The following RCL1 variants were observed in gnomAD, a reference collection of about 807,000 sequenced individuals.
The protein encoded by RCL1 is RNA terminal phosphate cyclase like 1.
In RCL1, 24 loss-of-function variants were observed where a neutral mutation model predicts 42.4. That is an observed-to-expected ratio of 0.57 (90% CI 0.41 to 0.80). The LOEUF is 0.80. Among genes scored for constraint, RCL1 ranks in the 30% least tolerant of loss-of-function variants. The pLI is 0.00. For synonymous variants in RCL1, 228 were observed against 177.3 expected (o/e 1.29, Z -2.27); for missense variants, 578 against 467.9 (o/e 1.24, Z -2.17).
chr9:4,795,872 G>T (rs775128656), intron 1 of RCL1, among the ~76,000 whole-genome samples: 8 of 152,174 alleles, frequency 5.3e-5, no homozygotes, highest in African/African-American at 7.2e-5. Flanking sequence ...GGTTGCCCCT[G>T]TTCTCATGGA....
chr9:4,826,450 A>G lies in RCL1; in HGVS notation c.209-408A>G, dbSNP rs1351219870. 2.1e-5 allele frequency among the ~76,000 whole-genome samples: 3 copies of G among 140,944 alleles called. No individual in the cohort carries two copies. In the East Asian group the frequency reaches 6.0e-4, roughly 28 times the overall value. 92.5% of individuals were successfully genotyped at this position (140,944 alleles called of 152,430 possible). A position where few individuals can be genotyped will look rare whatever the true frequency, so the allele number is the denominator to read the frequency against. On this transcript the variant is annotated intron_variant, in intron 2 of 8. Transcript: ENST00000381750. ...GTGAATGAGGTATATGAGAAATATCATTTCAGGGGCCCTAGAGGATGCTGG... is the reference window on the plus strand; with the variant it reads ...GTGAATGAGGTATATGAGAAATATCGTTTCAGGGGCCCTAGAGGATGCTGG...
At chr9:4,844,725 G>T (rs775309879) in intron 7 of RCL1, 44 bp downstream of exon 7, 11 of 1,574,990 alleles carry the variant, frequency 7.0e-6, no homozygotes, top group Middle Eastern at 4.4e-4. Context: ...CCAGGAAGCA[G>T]TTTGTTTTCT....
chr9:4,819,415 C>T (rs1241324766), intron 1 of RCL1, among the ~76,000 whole-genome samples: 1 of 152,078 alleles, frequency 6.6e-6, no homozygotes, highest in Admixed American at 6.6e-5. Flanking sequence ...TTGTTTTTTT[C>T]CCCAGGCTTT....
At chr9:4,817,476 T>C (rs1448819541) in intron 1 of RCL1, among the ~76,000 whole-genome samples, 2 of 151,352 alleles carry the variant, frequency 1.3e-5, no homozygotes, top group Non-Finnish European at 2.9e-5. Context: ...TTAATCTTTT[T>C]TTTTTTTTCT....
intron 5 of RCL1, among the ~76,000 whole-genome samples, chr9:4,835,066 G>C (rs901189786): frequency 6.6e-6 from 1 of 152,240 alleles, no homozygotes; most frequent in Non-Finnish European, 1.5e-5. Flanking sequence ...CCTGAGCAGA[G>C]GTGGCAGTGC....
In RCL1 at chr9:4,848,299, G is replaced by A. The variant is rs541735424; in HGVS notation, c.868-1148G>A. Among the ~76,000 whole-genome samples the A allele has an allele frequency of 1.6e-4, 25 of 152,294 alleles. No individual in the cohort carries two copies. The East Asian group carries it at 1.7e-3, about 11-fold the overall frequency. On this transcript the variant is annotated intron_variant, in intron 7 of 8. Transcript: ENST00000381750. ...TTATTAACTAAGGTAGTTTAGGGAC[G>A]TGCAATAGATTTTCATAAAGGCTAG... is the stretch of plus-strand genomic sequence containing the variant.
intron 3 of RCL1, among the ~76,000 whole-genome samples, chr9:4,827,535 G>C (rs958930220): frequency 6.6e-5 from 10 of 152,188 alleles, no homozygotes; most frequent in African/African-American, 2.4e-4. Flanking sequence ...AGTCAGGAAA[G>C]GAATGTGTGA....
intron 1 of RCL1, among the ~76,000 whole-genome samples, chr9:4,809,754 C>A (rs537229933): frequency 6.6e-6 from 1 of 151,968 alleles, no homozygotes; most frequent in African/African-American, 2.4e-5. Context: ...TACTTTTTTT[C>A]TTGAGATACC....
At chr9:4,820,711 G>A (rs1448597540) in intron 1 of RCL1, among the ~76,000 whole-genome samples, 4 of 152,054 alleles carry the variant, frequency 2.6e-5, no homozygotes, top group East Asian at 3.9e-4. Context: ...CCTTTTTTCT[G>A]CAGAGCACGT....
chr9:4,800,335 T>G (rs376340), intron 1 of RCL1, among the ~76,000 whole-genome samples: 2 of 152,258 alleles, frequency 1.3e-5, no homozygotes, highest in Admixed American at 1.3e-4. Flanking sequence ...CCACCTCAGC[T>G]TCCCGAGTAG....
chr9:4,793,377 G>A, intron 1 of RCL1, 150 bp downstream of exon 1: 4 of 865,972 alleles, frequency 4.6e-6, no homozygotes, highest in Non-Finnish European at 6.6e-6. Flanking sequence ...TCCAAAGCCG[G>A]AGGGGCAGGC....
chr9:4,802,037 C>A (rs1294189007), intron 1 of RCL1, among the ~76,000 whole-genome samples: 1 of 150,372 alleles, frequency 6.7e-6, no homozygotes, highest in Non-Finnish European at 1.5e-5. Flanking sequence ...GTCTCCCGAG[C>A]ATCTGGGATT....
chr9:4,831,922 C>G (rs1009963211), intron 3 of RCL1, among the ~76,000 whole-genome samples: 8 of 152,218 alleles, frequency 5.3e-5, no homozygotes, highest in Non-Finnish European at 1.0e-4. Flanking sequence ...TTGTGATTTT[C>G]TTGTCTGAGG....
chr9:4,806,141 C>G (rs1303469206), intron 1 of RCL1, among the ~76,000 whole-genome samples: 1 of 149,636 alleles, frequency 6.7e-6, no homozygotes, highest in African/African-American at 2.5e-5. Context: ...TTGTCATTTC[C>G]TTGGAATTTA....
chr9:4,813,406 A>T (rs190253772), intron 1 of RCL1, among the ~76,000 whole-genome samples: 21 of 152,362 alleles, frequency 1.4e-4, no homozygotes, highest in African/African-American at 4.8e-4. Flanking sequence ...TCAAAAGAAG[A>T]TATTTATGCA....
intron 1 of RCL1, among the ~76,000 whole-genome samples, chr9:4,809,694 C>T (rs918601974): frequency 1.3e-5 from 2 of 152,242 alleles, no homozygotes; most frequent in African/African-American, 4.8e-5. Flanking sequence ...TAACTGGCAA[C>T]ATAGCCTTTC....
At chr9:4,821,186 C>T (rs528524959) in intron 1 of RCL1, among the ~76,000 whole-genome samples, 9 of 152,132 alleles carry the variant, frequency 5.9e-5, no homozygotes, top group Middle Eastern at 3.4e-3. Flanking sequence ...CGTTTGTGAG[C>T]CTGAAGCAGG....
intron 1 of RCL1, among the ~76,000 whole-genome samples, chr9:4,822,693 C>T (rs1005959264): frequency 1.3e-5 from 2 of 152,082 alleles, no homozygotes; most frequent in African/African-American, 4.8e-5. Flanking sequence ...TAGTGGTGCA[C>T]GTCTGTGGTC....
intron 1 of RCL1, among the ~76,000 whole-genome samples, chr9:4,819,763 C>A (rs959164930): frequency 6.6e-6 from 1 of 152,162 alleles, no homozygotes; most frequent in Non-Finnish European, 1.5e-5. Flanking sequence ...GCCAAGATCG[C>A]GCCACTGCAC....
Sources: allele counts gnomAD v4.1 joint callset (sites outside exome capture counted in the v4.1 genomes callset), GRCh38; gene constraint gnomAD v4.1.1; transcripts MANE v1.5; gene names NCBI Gene and HGNC (gene_info 2026-07-23, HGNC 2026-07-21).